The following PLCXD3 variants were observed in gnomAD, a reference collection of about 807,000 sequenced individuals.
PLCXD3 encodes the protein PI-PLC X domain-containing protein 3.
Under a neutral mutation model 25.5 loss-of-function variants are expected in PLCXD3, and 19 were observed. That is an observed-to-expected ratio of 0.75 (90% CI 0.52 to 1.09). The LOEUF is 1.09. Among genes scored for constraint, PLCXD3 ranks in the 50% least tolerant of loss-of-function variants. The pLI is 0.00. For missense variants in PLCXD3, 411 were observed against 388.1 expected, an observed-to-expected ratio of 1.06 and a Z score of -0.50; for synonymous variants, 174 against 137.6, an observed-to-expected ratio of 1.26 and a Z score of -1.85.
intron 1 of PLCXD3, among the ~76,000 whole-genome samples, chr5:41,392,444 T>G (rs1745858275): frequency 6.6e-6 from 1 of 152,166 alleles, no homozygotes; most frequent in South Asian, 2.1e-4. Context: ...ATCCTGGATC[T>G]GAACCAAGAC....
intron 1 of PLCXD3, among the ~76,000 whole-genome samples, chr5:41,393,660 C>T (rs1745905292): frequency 6.6e-6 from 1 of 152,126 alleles, no homozygotes; most frequent in African/African-American, 2.4e-5. Context: ...TGGCTCATGC[C>T]TGTAATCCCA....
chr5:41,474,182 T>C (rs1016289148), intron 1 of PLCXD3, among the ~76,000 whole-genome samples: 3 of 152,188 alleles, frequency 2.0e-5, no homozygotes, highest in African/African-American at 7.2e-5. Flanking sequence ...AGGCAGCCCC[T>C]GAGCTTCCAC....
intron 2 of PLCXD3, among the ~76,000 whole-genome samples, chr5:41,348,829 C>T (rs532101285): frequency 1.6e-3 from 249 of 152,138 alleles, no homozygotes; most frequent in African/African-American, 5.7e-3. Context: ...ACTTTTAAAC[C>T]TCCTGGGAAT....
chr5:41,503,827 T>C (rs1749002193), intron 1 of PLCXD3, among the ~76,000 whole-genome samples: 1 of 152,222 alleles, frequency 6.6e-6, no homozygotes, highest in Non-Finnish European at 1.5e-5. Flanking sequence ...CGTCTAGGAC[T>C]TCCTTGAGTG....
intron 2 of PLCXD3, among the ~76,000 whole-genome samples, chr5:41,319,263 C>G (rs1370650456): frequency 6.6e-6 from 1 of 152,114 alleles, no homozygotes; most frequent in Non-Finnish European, 1.5e-5. Flanking sequence ...CCAAATGGAT[C>G]TAATAGACAT....
intron 1 of PLCXD3, among the ~76,000 whole-genome samples, chr5:41,509,757 C>G (rs1390221115): frequency 1.3e-5 from 2 of 152,220 alleles, no homozygotes; most frequent in South Asian, 4.1e-4. Flanking sequence ...CGCACTTGGA[C>G]CAGACTCGAG....
intron 1 of PLCXD3, among the ~76,000 whole-genome samples, chr5:41,478,742 G>C (rs528215399): frequency 6.6e-6 from 1 of 152,162 alleles, no homozygotes; most frequent in Admixed American, 6.6e-5. Flanking sequence ...ACTGGAGACT[G>C]GGTAATTTAT....
At chr5:41,481,124 A>AAAAG (rs1371702786) in intron 1 of PLCXD3, among the ~76,000 whole-genome samples, 4 of 150,934 alleles carry the variant, frequency 2.7e-5, no homozygotes, top group African/African-American at 9.7e-5. Flanking sequence ...AAAAAAAAAA[A>AAAAG]AAAGAAAGGA....
intron 2 of PLCXD3, among the ~76,000 whole-genome samples, chr5:41,379,858 T>C (rs1011390943): frequency 6.6e-6 from 1 of 152,008 alleles, no homozygotes; most frequent in Non-Finnish European, 1.5e-5. Flanking sequence ...GAAAGGGACC[T>C]ACCATACAAA....
intron 1 of PLCXD3, among the ~76,000 whole-genome samples, chr5:41,398,136 G>A (rs186918660): frequency 6.6e-5 from 10 of 152,242 alleles, no homozygotes; most frequent in Admixed American, 5.2e-4. Context: ...AGATTTGAGA[G>A]GGATCAGAAG....
rs1182874088 is a variant in PLCXD3 at position 41,488,264 on chromosome 5, T to C, written c.103+22160A>G. 2.8e-5 allele frequency among the ~76,000 whole-genome samples: 4 copies of C among 144,792 alleles called. No homozygotes were observed. The East Asian group carries it at 6.0e-4, about 22-fold the overall frequency. The allele number at this position is 144,792 out of a possible 152,430, so 95.0% of individuals were successfully genotyped here. A position where few individuals can be genotyped will look rare whatever the true frequency, so the allele number is the denominator to read the frequency against. ...CCCTACAAAGGACATGAACTCATCA[T>C]TTTTTATGGCTGCATAGTATTCCAT... On this transcript the variant is annotated intron_variant, in intron 1 of 2. Coordinates refer to ENST00000377801, the MANE Select transcript of PLCXD3 (RefSeq NM_001005473.3).
Position 41,381,886 on chromosome 5 carries a change from G to A in PLCXD3, c.752C>T (p.Pro251Leu). The A allele has an allele frequency of 1.2e-6, 2 of 1,613,078 alleles. No individual in the cohort carries two copies. The highest frequency in any genetic ancestry group is 1.7e-6 in the Non-Finnish European group (2 of 1,179,628). Residue 251 changes from proline to leucine, a missense_variant, in exon 2 of 3, where the codon CCC (proline) becomes CTC (leucine). Pro to Leu is a moderately conservative substitution (Grantham distance 98). Coordinates refer to ENST00000377801, the MANE Select transcript of PLCXD3 (RefSeq NM_001005473.3). ...SFFISQVVLT[P>L]KASTVVKGVA... ...CCCTTTGACCACAGTGCTAGCTTTG[G>A]GGGTCAGCACCACCTGAGATATAAA...
intron 1 of PLCXD3, among the ~76,000 whole-genome samples, chr5:41,460,352 C>T (rs1311464711): frequency 1.3e-5 from 2 of 151,908 alleles, no homozygotes; most frequent in African/African-American, 4.8e-5. Flanking sequence ...CTTAGATGTA[C>T]GGTCTAATTT....
At position 41,309,698 on chromosome 5, in the gene PLCXD3, A is replaced by C. The variant is rs996973717; in HGVS notation, c.*3919T>G. ...GTCAGAACTTCAAAGAACTTAAAAC[A>C]ACTTTAAGTGAAGATGTGTGTATGT... On this transcript the variant is annotated 3_prime_UTR_variant, in exon 3 of 3. Transcript: ENST00000377801. The C allele has an allele frequency of 6.6e-5, 10 of 152,164 alleles. No individual in the cohort carries two copies. The highest frequency in any genetic ancestry group is 2.4e-4 in the African/African-American group (10 of 41,454). 9.4% of individuals were successfully genotyped at this position (152,164 alleles called of 1,614,324 possible).
At chr5:41,464,343 G>A (rs374607141) in intron 1 of PLCXD3, among the ~76,000 whole-genome samples, 3 of 152,018 alleles carry the variant, frequency 2.0e-5, no homozygotes, top group African/African-American at 4.8e-5. Flanking sequence ...TTTTGACTGT[G>A]CACCGCTATC....
At chr5:41,335,005 G>A (rs939321048) in intron 2 of PLCXD3, among the ~76,000 whole-genome samples, 1 of 152,150 alleles carries the variant, frequency 6.6e-6, no homozygotes, top group Non-Finnish European at 1.5e-5. Flanking sequence ...ATAAGATTTC[G>A]ATTGCCAGGA....
chr5:41,425,275 A>T (rs1047967415), intron 1 of PLCXD3, among the ~76,000 whole-genome samples: 1 of 152,080 alleles, frequency 6.6e-6, no homozygotes, highest in Non-Finnish European at 1.5e-5. Flanking sequence ...CTCATATAAT[A>T]TAAAAGTGAA....
intron 2 of PLCXD3, among the ~76,000 whole-genome samples, chr5:41,316,886 G>A (rs1160447626): frequency 6.6e-6 from 1 of 152,152 alleles, no homozygotes; most frequent in Admixed American, 6.5e-5. Flanking sequence ...TCTACTCCCT[G>A]ACTCCAGATG....
chr5:41,487,040 C>CT (rs34369655), intron 1 of PLCXD3, among the ~76,000 whole-genome samples: 47,705 of 151,862 alleles, frequency 0.31, 9,389 homozygotes, highest in Non-Finnish European at 0.43. Flanking sequence ...AAATAACATA[C>CT]TTTTTTTTCT....
Sources: gnomAD v4.1 joint callset for allele counts (sites outside exome capture counted in the v4.1 genomes callset) on GRCh38, gnomAD v4.1.1 for gene constraint, MANE v1.5 for transcripts, NCBI Gene and HGNC (gene_info 2026-07-23, HGNC 2026-07-21) for gene names.